ADGRG2: variants seen among roughly 807,000 people sequenced by gnomAD.
ADGRG2 encodes the protein G protein-coupled receptor 64.
In ADGRG2, 26 loss-of-function variants were observed where a neutral mutation model predicts 74.1. The ratio of observed to expected loss-of-function variants is 0.35; its 90% CI spans 0.26 to 0.49. ADGRG2 has a LOEUF of 0.49. Ranked by LOEUF, ADGRG2 falls within the 20% of genes least tolerant of loss-of-function variation. The pLI is 0.99. For missense variants in ADGRG2, 619 were observed against 763.1 expected, an observed-to-expected ratio of 0.81 and a Z score of 2.22; for synonymous variants, 296 against 295.2, an observed-to-expected ratio of 1.00 and a Z score of -0.03.
intron 2 of ADGRG2, among the ~76,000 whole-genome samples, chrX:19,069,853 A>G (rs2061625257): frequency 8.9e-6 from 1 of 112,474 alleles, no homozygotes; most frequent in African/African-American, 3.2e-5. Flanking sequence ...TTACAACTTC[A>G]TTACTCCTGG....
At chrX:19,088,371 C>T (rs1017995678) in intron 1 of ADGRG2, among the ~76,000 whole-genome samples, 3 of 112,251 alleles carry the variant, frequency 2.7e-5, no homozygotes, top group African/African-American at 9.7e-5. Context: ...AGATGACTAA[C>T]ATTTTCTAAT....
intron 4 of ADGRG2, among the ~76,000 whole-genome samples, chrX:19,039,008 T>C (rs1334969558): frequency 8.9e-6 from 1 of 111,782 alleles, no homozygotes; most frequent in Non-Finnish European, 1.9e-5. Flanking sequence ...CTCGTAAAAA[T>C]AATAGTTACC....
chrX:19,102,207 G>A (rs1239857809), intron 1 of ADGRG2, among the ~76,000 whole-genome samples: 1 of 107,418 alleles, frequency 9.3e-6, no homozygotes, highest in Non-Finnish European at 1.9e-5. Context: ...GAGCCACCAC[G>A]CCCGGCCTGG....
chrX:19,085,353 G>A (rs1024652935), intron 1 of ADGRG2, among the ~76,000 whole-genome samples: 1 of 111,405 alleles, frequency 9.0e-6, no homozygotes. Flanking sequence ...ATTAGAAATG[G>A]GGTCTTGCCT....
At chrX:19,021,683 T>C (rs2060591555) in intron 13 of ADGRG2, among the ~76,000 whole-genome samples, 1 of 110,919 alleles carries the variant, frequency 9.0e-6, no homozygotes, top group South Asian at 3.9e-4. Flanking sequence ...TCTCGCTCTC[T>C]TGCCCAGGTT....
At chrX:19,087,882 C>T (rs1369429241) in intron 1 of ADGRG2, among the ~76,000 whole-genome samples, 1 of 111,330 alleles carries the variant, frequency 9.0e-6, no homozygotes, top group Non-Finnish European at 1.9e-5. Flanking sequence ...ACAGTGTCCC[C>T]GTTTTCCTTC....
chrX:19,093,892 T>G (rs1401550553), intron 1 of ADGRG2, among the ~76,000 whole-genome samples: 1 of 97,099 alleles, frequency 1.0e-5, no homozygotes, highest in Non-Finnish European at 2.0e-5. Flanking sequence ...ATAAATGTGG[T>G]ATGTAGGTAT....
intron 1 of ADGRG2, among the ~76,000 whole-genome samples, chrX:19,108,404 T>C (rs942829277): frequency 2.7e-5 from 3 of 112,058 alleles, no homozygotes; most frequent in African/African-American, 9.7e-5. Flanking sequence ...ATTAATAATC[T>C]ATTTAAAGCA....
intron 20 of ADGRG2, 33 bp downstream of exon 20, chrX:19,007,202 G>C: frequency 8.3e-7 from 1 of 1,202,094 alleles, no homozygotes; most frequent in Middle Eastern, 2.4e-4. Context: ...GGTGTTCCTG[G>C]TCAATGAACA....
intron 2 of ADGRG2, among the ~76,000 whole-genome samples, chrX:19,082,072 CAAAAAAAAAAAAA>C (rs57534658): frequency 9.4e-5 from 2 of 21,195 alleles, no homozygotes; most frequent in Non-Finnish European, 8.9e-5. Flanking sequence ...GACCCTGTCT[CAAAAAAAAAAAAA>C]AAAAAAAAAA....
chrX:19,089,935 T>C (rs756883162), intron 1 of ADGRG2, among the ~76,000 whole-genome samples: 1 of 112,333 alleles, frequency 8.9e-6, no homozygotes, highest in Non-Finnish European at 1.9e-5. Flanking sequence ...TTTTGTTATG[T>C]GGAAAAAACT....
At chrX:18,992,718 GC>G (rs2059944380) in intron 28 of ADGRG2, among the ~76,000 whole-genome samples, 1 of 112,228 alleles carries the variant, frequency 8.9e-6, no homozygotes, top group African/African-American at 3.2e-5. Flanking sequence ...AGCCATTTTG[GC>G]AGCCTTAAAA....
chrX:19,070,003 G>A (rs1431320236), intron 2 of ADGRG2, among the ~76,000 whole-genome samples: 1 of 111,966 alleles, frequency 8.9e-6, no homozygotes, highest in African/African-American at 3.2e-5. Flanking sequence ...CTCGGGGGTC[G>A]CGGGCAACCT....
chrX:19,073,374 T>A (rs2061684377), intron 2 of ADGRG2, among the ~76,000 whole-genome samples: 1 of 111,458 alleles, frequency 9.0e-6, no homozygotes, highest in Admixed American at 9.5e-5. Flanking sequence ...AACTATTTGG[T>A]AGCATTTAAA....
chrX:19,111,439 G>A, intron 1 of ADGRG2, among the ~76,000 whole-genome samples: 1 of 110,970 alleles, frequency 9.0e-6, no homozygotes, highest in African/African-American at 3.3e-5. Context: ...AGGATGAGGA[G>A]ACTTAGAATG....
At chrX:19,118,401 T>C (rs1027502736) in intron 1 of ADGRG2, among the ~76,000 whole-genome samples, 3 of 112,547 alleles carry the variant, frequency 2.7e-5, no homozygotes, top group South Asian at 3.7e-4. Flanking sequence ...TTTTTCTTTT[T>C]TGAGACAGAG....
chrX:18,999,689 G>A (rs2060087343), intron 25 of ADGRG2, among the ~76,000 whole-genome samples, 172 bp downstream of exon 25: 1 of 111,934 alleles, frequency 8.9e-6, no homozygotes, highest in African/African-American at 3.2e-5. Flanking sequence ...GAGTAGCATG[G>A]CATTTCCAGC....
intron 2 of ADGRG2, 81 bp downstream of exon 2, chrX:19,082,621 G>T (rs1353076532): frequency 1.9e-5 from 2 of 106,086 alleles, no homozygotes; most frequent in Non-Finnish European, 3.9e-5. Context: ...ATGAAGGAGG[G>T]AAAATAGGAA....
chrX:19,045,648 C>G (rs766737473), intron 3 of ADGRG2, among the ~76,000 whole-genome samples: 1 of 110,234 alleles, frequency 9.1e-6, no homozygotes, highest in Non-Finnish European at 1.9e-5. Context: ...TCTCTCTCAT[C>G]TGTCCCTTCT....
Sources: gnomAD v4.1 joint callset for allele counts (sites outside exome capture counted in the v4.1 genomes callset) on GRCh38, gnomAD v4.1.1 for gene constraint, MANE v1.5 for transcripts, NCBI Gene and HGNC (gene_info 2026-07-23, HGNC 2026-07-21) for gene names.